PEBP4: variants seen among roughly 807,000 people sequenced by gnomAD.
The protein encoded by PEBP4 is phosphatidylethanolamine-binding protein 4.
In PEBP4, 22 loss-of-function variants were observed where a neutral mutation model predicts 23.9. The observed-to-expected ratio is 0.92, with a 90% CI of 0.66 to 1.31. PEBP4 has a LOEUF of 1.31. PEBP4 is among the 40% of genes most tolerant of loss of function. The pLI, the probability that PEBP4 is intolerant of heterozygous loss-of-function variation, is 0.00. For missense variants in PEBP4, 324 were observed against 281.7 expected, an observed-to-expected ratio of 1.15 and a Z score of -1.07; for synonymous variants, 112 against 99.3, an observed-to-expected ratio of 1.13 and a Z score of -0.76.
At chr8:22,854,998 A>ATG (rs1807612641) in intron 3 of PEBP4, among the ~76,000 whole-genome samples, 1 of 53,652 alleles carries the variant, frequency 1.9e-5, no homozygotes, top group African/African-American at 7.2e-5. Flanking sequence ...GTGAGTATGC[A>ATG]CGCACACACA....
At chr8:22,913,076 C>G (rs1808981119) in intron 3 of PEBP4, among the ~76,000 whole-genome samples, 1 of 152,196 alleles carries the variant, frequency 6.6e-6, no homozygotes, top group Non-Finnish European at 1.5e-5. Context: ...GACTACAAAT[C>G]CATCTCTTTC....
intron 4 of PEBP4, among the ~76,000 whole-genome samples, chr8:22,731,982 C>T (rs964060741): frequency 6.6e-6 from 1 of 152,080 alleles, no homozygotes; most frequent in Non-Finnish European, 1.5e-5. Flanking sequence ...GCCCCATACC[C>T]CCTCATTGTT....
In PEBP4 at chr8:22,871,702, G is replaced by A. The variant is rs146501485; in HGVS notation, c.258+48482C>T. Among the ~76,000 whole-genome samples, 910 of 151,852 alleles carry A rather than the reference G, an allele frequency of 6.0e-3. 12 individuals are homozygous for A. Among genetic ancestry groups the A allele is most frequent in the African/African-American group, 0.021 (884 of 41,374 alleles). ...CCTGAGTAGCTGGGATTACAGGCAC[G>A]TGCCACCATGCCCAGCTAATTTTCG... On this transcript the variant is annotated intron_variant, in intron 3 of 6. Coordinates refer to ENST00000256404, the MANE Select transcript of PEBP4 (RefSeq NM_144962.3).
At chr8:22,789,499 A>T (rs1554485746) in intron 4 of PEBP4, among the ~76,000 whole-genome samples, 1 of 151,800 alleles carries the variant, frequency 6.6e-6, no homozygotes, top group African/African-American at 2.4e-5. Context: ...TTAAGAGGTG[A>T]CTCTATTCCT....
chr8:22,896,178 A>G (rs1394399937), intron 3 of PEBP4: 3 of 152,282 alleles, frequency 2.0e-5, no homozygotes, highest in Non-Finnish European at 4.4e-5. Context: ...GGGAGGAGAG[A>G]CAGGGAATGG....
intron 4 of PEBP4, among the ~76,000 whole-genome samples, chr8:22,737,342 G>C (rs7007856): frequency 0.068 from 10,359 of 151,252 alleles, 1,196 homozygotes; most frequent in African/African-American, 0.24. Context: ...AGCCATTCAG[G>C]CTTCCACCTG....
intron 4 of PEBP4, among the ~76,000 whole-genome samples, chr8:22,796,118 T>C (rs930133381): frequency 2.0e-5 from 3 of 152,240 alleles, no homozygotes; most frequent in African/African-American, 2.4e-5. Flanking sequence ...TGGCCTCACA[T>C]TGCTGTGTTG....
chr8:22,727,573 G>A (rs547236284), intron 4 of PEBP4, among the ~76,000 whole-genome samples: 38 of 152,220 alleles, frequency 2.5e-4, no homozygotes, highest in Middle Eastern at 3.4e-3. Context: ...GAGACTGGGC[G>A]CTACACATCA....
chr8:22,741,839 A>T (rs868185199), intron 4 of PEBP4, among the ~76,000 whole-genome samples: 1 of 152,194 alleles, frequency 6.6e-6, no homozygotes, highest in Non-Finnish European at 1.5e-5. Context: ...GTTTCAGAGT[A>T]TGTTGAAATG....
chr8:22,721,704 C>A (rs938623339), intron 6 of PEBP4, among the ~76,000 whole-genome samples: 1 of 152,102 alleles, frequency 6.6e-6, no homozygotes, highest in African/African-American at 2.4e-5. Context: ...CACACTGCCC[C>A]CCTCCCAACC....
intron 3 of PEBP4, 102 bp downstream of exon 3, chr8:22,920,082 G>C: frequency 1.4e-6 from 2 of 1,452,066 alleles, no homozygotes; most frequent in Non-Finnish European, 1.9e-6. Flanking sequence ...ACCCAACCCA[G>C]ATGGCTCTGC....
At chr8:22,925,356 A>G (rs1809304417) in intron 2 of PEBP4, 2 of 982,606 alleles carry the variant, frequency 2.0e-6, no homozygotes, top group Admixed American at 6.1e-5. Flanking sequence ...GGTTGTCAGA[A>G]GCAGATAGGG....
intron 3 of PEBP4, among the ~76,000 whole-genome samples, chr8:22,904,522 A>T (rs1401646184): frequency 6.6e-6 from 1 of 152,084 alleles, no homozygotes; most frequent in Non-Finnish European, 1.5e-5. Flanking sequence ...CCCCCATAGC[A>T]TTTTTTCCTT....
intron 4 of PEBP4, among the ~76,000 whole-genome samples, chr8:22,807,872 TATCC>T (rs113479008): frequency 0.26 from 37,716 of 146,850 alleles, 4,812 homozygotes; most frequent in South Asian, 0.36. Flanking sequence ...ACCCAACCTC[TATCC>T]ATCCATCCAT....
chr8:22,903,222 A>T (rs544275567), intron 3 of PEBP4, among the ~76,000 whole-genome samples: 89 of 152,326 alleles, frequency 5.8e-4, no homozygotes, highest in African/African-American at 2.1e-3. Flanking sequence ...TGGGAAACAG[A>T]CAGCTGGCGT....
intron 4 of PEBP4, among the ~76,000 whole-genome samples, chr8:22,731,882 A>G (rs1397999490): frequency 6.7e-6 from 1 of 149,418 alleles, no homozygotes; most frequent in South Asian, 2.1e-4. Context: ...TCACCGTGTT[A>G]GCCAGGATGG....
At chr8:22,871,118 G>C (rs930008737) in intron 3 of PEBP4, among the ~76,000 whole-genome samples, 1 of 152,168 alleles carries the variant, frequency 6.6e-6, no homozygotes, top group Non-Finnish European at 1.5e-5. Flanking sequence ...GGGCCCTGGG[G>C]GTGAGGGGTC....
At chr8:22,795,759 GAT>G (rs1806240348) in intron 4 of PEBP4, among the ~76,000 whole-genome samples, 1 of 152,142 alleles carries the variant, frequency 6.6e-6, no homozygotes, top group African/African-American at 2.4e-5. Context: ...CTACATGAAA[GAT>G]TTTTTTTTCC....
At chr8:22,800,319 T>C (rs1417497199) in intron 4 of PEBP4, among the ~76,000 whole-genome samples, 2 of 152,042 alleles carry the variant, frequency 1.3e-5, no homozygotes, top group African/African-American at 4.8e-5. Context: ...TTGGGACACC[T>C]TGATTCCGGT....
Sources: gnomAD v4.1 joint callset for allele counts (sites outside exome capture counted in the v4.1 genomes callset) on GRCh38, gnomAD v4.1.1 for gene constraint, MANE v1.5 for transcripts, NCBI Gene and HGNC (gene_info 2026-07-23, HGNC 2026-07-21) for gene names.